ASIC2: variants seen among roughly 807,000 people sequenced by gnomAD.
ASIC2 encodes the protein acid sensing ion channel subunit 2.
A neutral mutation model predicts 57.3 loss-of-function variants in ASIC2; 25 were observed. The observed-to-expected ratio is 0.44, with a 90% CI of 0.32 to 0.61. ASIC2 has a LOEUF of 0.61. Ranked by LOEUF, ASIC2 falls within the 20% of genes least tolerant of loss-of-function variation. The probability of loss-of-function intolerance (pLI) is 0.06; values close to 1 mark genes in which losing one functional copy is unlikely to be tolerated. For synonymous variants in ASIC2, 319 were observed against 307.5 expected, an observed-to-expected ratio of 1.04 and a Z score of -0.39; for missense variants, 641 against 738.1, an observed-to-expected ratio of 0.87 and a Z score of 1.52.
chr17:33,665,116 A>G lies in ASIC2; in HGVS notation c.555+490862T>C, dbSNP rs75957887. Among the ~76,000 whole-genome samples the G allele has an allele frequency of 1.3e-3, 193 of 152,238 alleles. 2 individuals carry two copies. In the East Asian group the frequency reaches 0.014, roughly 11 times the overall value. On this transcript the variant is annotated intron_variant, in intron 1 of 9. Transcript: ENST00000359872. ...TTACCCAAGGTCACACGATTCCTCAATTTCTGGGCTCAGACCGTGAAGGCA... is the reference window on the plus strand; with the variant it reads ...TTACCCAAGGTCACACGATTCCTCAGTTTCTGGGCTCAGACCGTGAAGGCA...
chr17:33,141,058 C>T (rs758011465), intron 1 of ASIC2, among the ~76,000 whole-genome samples: 4 of 152,080 alleles, frequency 2.6e-5, no homozygotes, highest in South Asian at 2.1e-4. Context: ...GAAAGAGAGT[C>T]GCCTGTCTCC....
At chr17:33,246,163 T>C (rs981199336) in intron 1 of ASIC2, among the ~76,000 whole-genome samples, 1 of 151,872 alleles carries the variant, frequency 6.6e-6, no homozygotes, top group African/African-American at 2.4e-5. Context: ...GAGCTAGGTC[T>C]GTGGGTTCAG....
At chr17:33,502,376 G>A (rs1046048575) in intron 1 of ASIC2, among the ~76,000 whole-genome samples, 10 of 152,130 alleles carry the variant, frequency 6.6e-5, no homozygotes, top group African/African-American at 2.4e-4. Context: ...TGGGGTTCTG[G>A]GCAGATGTGG....
At chr17:34,045,474 A>G (rs9912193) in intron 1 of ASIC2, among the ~76,000 whole-genome samples, 1 of 151,994 alleles carries the variant, frequency 6.6e-6, no homozygotes, top group Non-Finnish European at 1.5e-5. Flanking sequence ...TTTGGGTTCA[A>G]TGATTTTCAG....
At chr17:33,397,562 G>A (rs1163504536) in intron 1 of ASIC2, among the ~76,000 whole-genome samples, 1 of 152,180 alleles carries the variant, frequency 6.6e-6, no homozygotes, top group Non-Finnish European at 1.5e-5. Flanking sequence ...ATAGACATGT[G>A]AGGGGAGAGA....
At chr17:33,673,140 C>G (rs1213486725) in intron 1 of ASIC2, among the ~76,000 whole-genome samples, 3 of 152,096 alleles carry the variant, frequency 2.0e-5, no homozygotes, top group Non-Finnish European at 4.4e-5. Flanking sequence ...GTTTGACAGG[C>G]TCAGGTGCAG....
chr17:33,899,485 C>T (rs1483392089), intron 1 of ASIC2, among the ~76,000 whole-genome samples: 1 of 152,076 alleles, frequency 6.6e-6, no homozygotes, highest in African/African-American at 2.4e-5. Context: ...CTGAAACAGG[C>T]AAAGCAGAAG....
chr17:34,085,888 C>G (rs1352972285), intron 1 of ASIC2, among the ~76,000 whole-genome samples: 3 of 151,234 alleles, frequency 2.0e-5, no homozygotes, highest in Non-Finnish European at 2.9e-5. Flanking sequence ...GGTGACATCC[C>G]CTTTATCATT....
intron 1 of ASIC2, among the ~76,000 whole-genome samples, chr17:33,510,589 G>A (rs1012736041): frequency 6.6e-6 from 1 of 152,076 alleles, no homozygotes; most frequent in African/African-American, 2.4e-5. Context: ...TTGTGATGGT[G>A]CCACTGCACT....
At chr17:33,634,913 T>A (rs1264392985) in intron 1 of ASIC2, 1 of 152,022 alleles carries the variant, frequency 6.6e-6, no homozygotes, top group East Asian at 1.9e-4. Context: ...AGAGAGACAG[T>A]CAATAAACTG....
chr17:33,517,851 A>C (rs1879078159), intron 1 of ASIC2, among the ~76,000 whole-genome samples: 4 of 152,190 alleles, frequency 2.6e-5, no homozygotes, highest in Admixed American at 2.6e-4. Flanking sequence ...AAGCATAATA[A>C]AAAAATAAAA....
chr17:33,022,892 C>G (rs1261316741), intron 6 of ASIC2, among the ~76,000 whole-genome samples: 1 of 152,134 alleles, frequency 6.6e-6, no homozygotes, highest in East Asian at 1.9e-4. Context: ...AGGAGAGCAC[C>G]TCATCTAGAT....
At chr17:33,361,092 C>T (rs779248459) in intron 1 of ASIC2, among the ~76,000 whole-genome samples, 2 of 152,084 alleles carry the variant, frequency 1.3e-5, no homozygotes, top group African/African-American at 2.4e-5. Flanking sequence ...TGGGCTCACT[C>T]GCTATTGCAA....
At chr17:34,053,414 A>G (rs550807970) in intron 1 of ASIC2, among the ~76,000 whole-genome samples, 4 of 152,302 alleles carry the variant, frequency 2.6e-5, no homozygotes, top group African/African-American at 7.2e-5. Flanking sequence ...GTAACTCTTG[A>G]TGATAAATAC....
Position 34,156,360 on chromosome 17 carries a change from A to C in ASIC2, c.173T>G (p.Val58Gly). The change falls in exon 1 of 10, where the codon GTG becomes GGG. Residue 58 changes from valine (V) to glycine (G), a missense_variant. Physicochemically the swap from Val to Gly is moderately radical, Grantham distance 109. Transcript: ENST00000359872. The surrounding 1 kb of genome is among the most constrained non-coding windows in gnomAD (Gnocchi z 4.4). ...GTAGGACACCCTCTCAGAGCTCTCC[A>C]CCAGCAGCAGGCCCAGAGAGCCCAC... is the stretch of plus-strand genomic sequence containing the variant. 6.2e-7 allele frequency: 1 copy of C among 1,614,216 alleles called. No individual in the cohort carries two copies. Among genetic ancestry groups the C allele is most frequent in the Non-Finnish European group, 8.5e-7 (1 of 1,180,040 alleles).
At chr17:34,014,504 C>G (rs1906875600) in intron 1 of ASIC2, among the ~76,000 whole-genome samples, 1 of 152,158 alleles carries the variant, frequency 6.6e-6, no homozygotes, top group Non-Finnish European at 1.5e-5. Context: ...GAAAGGGTGC[C>G]CTAAATATGA....
intron 4 of ASIC2, among the ~76,000 whole-genome samples, chr17:33,026,742 C>T (rs1018775415): frequency 2.0e-5 from 3 of 152,182 alleles, no homozygotes; most frequent in African/African-American, 7.2e-5. Context: ...ACTGGATTCT[C>T]CTTGCTGGGA....
intron 1 of ASIC2, among the ~76,000 whole-genome samples, chr17:33,460,215 T>C (rs1201862779): frequency 6.6e-6 from 1 of 152,140 alleles, no homozygotes; most frequent in Non-Finnish European, 1.5e-5. Flanking sequence ...ATTCTAGGGA[T>C]GGGTTAGATT....
chr17:33,768,686 CCTGATCT>C (rs1911006529), intron 1 of ASIC2, among the ~76,000 whole-genome samples: 9 of 152,160 alleles, frequency 5.9e-5, no homozygotes, highest in Admixed American at 5.2e-4. Flanking sequence ...TTCCTATTCG[CCTGATCT>C]CTCCTGATTG....
Sources: allele counts gnomAD v4.1 joint callset (sites outside exome capture counted in the v4.1 genomes callset), GRCh38; gene constraint gnomAD v4.1.1; non-coding constraint Gnocchi (gnomAD v3.1); transcripts MANE v1.5; gene names NCBI Gene and HGNC (gene_info 2026-07-23, HGNC 2026-07-21).